SSUH2: variants seen among roughly 807,000 people sequenced by gnomAD.
SSUH2 encodes the protein ssu-2 homolog, also known as protein SSUH2 homolog.
Under a neutral mutation model 55.3 loss-of-function variants are expected in SSUH2, and 47 were observed. The observed-to-expected ratio is 0.85, with a 90% CI of 0.67 to 1.08. The LOEUF is 1.08. Among genes scored for constraint, SSUH2 ranks in the 50% least tolerant of loss-of-function variants. SSUH2 has a pLI of 0.00. For synonymous variants in SSUH2, 212 were observed against 191.5 expected (o/e 1.11, Z -0.89); for missense variants, 535 against 490.7 (o/e 1.09, Z -0.85).
intron 7 of SSUH2, 36 bp downstream of exon 7, chr3:8,629,628 C>T (rs1559328496): frequency 1.2e-6 from 2 of 1,611,124 alleles, no homozygotes; most frequent in Non-Finnish European, 1.7e-6. Context: ...GCCACCACAC[C>T]CTCACTGACT....
chr3:8,639,739 T>C (rs768293736), intron 1 of SSUH2, among the ~76,000 whole-genome samples: 3 of 152,208 alleles, frequency 2.0e-5, no homozygotes, highest in Admixed American at 6.5e-5. Context: ...TCCACATTAA[T>C]CATCTTAAAA....
chr3:8,679,572 TC>T (rs571643186), intron 2 of SSUH2: 6 of 153,364 alleles, frequency 3.9e-5, no homozygotes, highest in Admixed American at 2.0e-4. Flanking sequence ...CAGCCTCTCT[TC>T]CCCCCCTGGC....
intron 1 of SSUH2, among the ~76,000 whole-genome samples, chr3:8,680,026 A>C (rs368840): frequency 0.36 from 55,068 of 151,916 alleles, 10,246 homozygotes; most frequent in South Asian, 0.39. Flanking sequence ...TTAAGGGAAA[A>C]ACTTCCAGCA....
In SSUH2 at chr3:8,679,020, C is replaced by T. The variant is rs1429066821; in HGVS notation, c.-901+685G>A. On this transcript the variant is annotated intron_variant, in intron 2 of 18. Coordinates refer to the SSUH2 transcript ENST00000317371. ...TGGGGACTGAGAGCCAGCCCCTCTT[C>T]CCCCCCTGGCTCTTAGGACACCAAA... Among the ~76,000 whole-genome samples, 8 of 111,778 alleles carry T rather than the reference C, an allele frequency of 7.2e-5. 3 individuals are homozygous for T. The South Asian group carries it at 1.2e-3, about 17-fold the overall frequency. 73.3% of individuals were successfully genotyped at this position (111,778 alleles called of 152,430 possible).
rs1294980030 is a variant in SSUH2, at chr3:8,681,572, C to T, written c.-1046+319G>A. ...CATGGGGGGCGGGAGGCACCCCCAA[C>T]GAAGCGGGGACTGAGAGCCAGCCAC... On this transcript the variant is annotated intron_variant, in intron 1 of 18. Coordinates refer to the SSUH2 transcript ENST00000317371. Among the ~76,000 whole-genome samples the T allele has an allele frequency of 1.3e-4, 19 of 147,496 alleles. No homozygotes were observed. In the East Asian group the frequency reaches 1.4e-3, roughly 11 times the overall value.
chr3:8,656,659 G>A (rs868765170), intron 7 of SSUH2, among the ~76,000 whole-genome samples: 6 of 152,132 alleles, frequency 3.9e-5, no homozygotes, highest in East Asian at 3.8e-4. Flanking sequence ...CATCTCATTC[G>A]GTCCTCACTA....
rs560014707 is a variant in SSUH2 at position 8,664,370 on chromosome 3, T to C, written c.-454-568A>G. Among the ~76,000 whole-genome samples, 4 of 152,344 alleles carry C rather than the reference T, an allele frequency of 2.6e-5. No homozygotes were observed. In the South Asian group the frequency reaches 8.3e-4, roughly 32 times the overall value. On this transcript the variant is annotated intron_variant, in intron 5 of 18. Coordinates refer to the SSUH2 transcript ENST00000317371. ...TTCATGAAGCATGTCCCCCTTTCCC[T>C]TGGCGCTGTGTATAGCACAGCCCCA...
intron 7 of SSUH2, among the ~76,000 whole-genome samples, chr3:8,656,213 C>G (rs1022838194): frequency 1.1e-4 from 17 of 152,278 alleles, no homozygotes; most frequent in Admixed American, 4.6e-4. Context: ...AAACTTAAAC[C>G]TCTGGCAATA....
upstream of SSUH2, among the ~76,000 whole-genome samples, chr3:8,646,871 C>T (rs1701740903): frequency 6.6e-6 from 1 of 152,204 alleles, no homozygotes; most frequent in South Asian, 2.1e-4. Flanking sequence ...TTCTTCCTCC[C>T]TGCTGTTGAT....
intron 9 of SSUH2, 28 bp downstream of exon 9, chr3:8,626,201 G>T: frequency 6.3e-7 from 1 of 1,588,628 alleles, no homozygotes; most frequent in Non-Finnish European, 8.6e-7. Flanking sequence ...ACCCCCGCAT[G>T]CCACAGCATT....
At chr3:8,672,302 C>T (rs986002884) in intron 3 of SSUH2, among the ~76,000 whole-genome samples, 1 of 151,912 alleles carries the variant, frequency 6.6e-6, no homozygotes, top group Non-Finnish European at 1.5e-5. Context: ...CTGTACACAC[C>T]CTGTGCTATT....
intron 6 of SSUH2, chr3:8,663,607 A>G: frequency 3.3e-6 from 1 of 306,446 alleles, no homozygotes. Context: ...TCTCCAGCCC[A>G]GGCAAGTCCA....
rs1326441487 is a variant in SSUH2 at position 8,635,837 on chromosome 3, CA to C, written c.48del (p.Phe16LeufsTer59). The C allele has an allele frequency of 6.5e-7, 1 of 1,535,872 alleles. No individual in the cohort carries two copies. The highest frequency in any genetic ancestry group is 1.4e-5 in the African/African-American group (1 of 73,040). ...NEDDSVVDLS[F>X]EAESPLAPPT... ...GGGGGCGCCAGAGGACTCTCGGCCTCAAAACTGAGGTCCACCACACCTGCAG... is the reference window on the plus strand; with the variant it reads ...GGGGGCGCCAGAGGACTCTCGGCCTCAAACTGAGGTCCACCACACCTGCAG... On this transcript the variant is annotated frameshift_variant, in exon 2 of 12. Transcript: ENST00000544814. LOFTEE classifies it high-confidence loss of function.
At chr3:8,633,897 C>T (rs1699403499) in intron 3 of SSUH2, 102 bp from the exon 4 acceptor site, 13 of 1,613,914 alleles carry the variant, frequency 8.1e-6, no homozygotes, top group African/African-American at 1.3e-5. Flanking sequence ...ACTGAGGCCA[C>T]GGTAGTGGTA....
rs1320800373 is a variant in SSUH2 at position 8,679,146 on chromosome 3, C to T, written c.-901+559G>A. Among the ~76,000 whole-genome samples, 42 of 99,420 alleles carry T rather than the reference C, an allele frequency of 4.2e-4. 11 individuals carry two copies. The highest frequency in any genetic ancestry group is 8.3e-4 in the Non-Finnish European group (36 of 43,150). 65.2% of individuals were successfully genotyped at this position (99,420 alleles called of 152,430 possible). Reference sequence around the variant, plus strand: ...AAATTGCGGGGGGGAGGCACCCCCGCGAGGCGGGGACTGAGAGGCAGCCGC... The same window carrying T: ...AAATTGCGGGGGGGAGGCACCCCCGTGAGGCGGGGACTGAGAGGCAGCCGC... On this transcript the variant is annotated intron_variant, in intron 2 of 18. Coordinates refer to the SSUH2 transcript ENST00000317371.
upstream of SSUH2, among the ~76,000 whole-genome samples, chr3:8,649,795 C>T (rs1326295659): frequency 6.6e-6 from 1 of 152,104 alleles, no homozygotes; most frequent in Non-Finnish European, 1.5e-5. Context: ...AAAGCCCATG[C>T]TCAATTCAGA....
intron 4 of SSUH2, among the ~76,000 whole-genome samples, chr3:8,632,630 T>C (rs1031739496): frequency 3.9e-5 from 6 of 152,326 alleles, no homozygotes; most frequent in Admixed American, 1.3e-4. Flanking sequence ...CACAGTGGCC[T>C]CTTCTTTCAG....
chr3:8,629,447 A>C (rs1698295469), intron 7 of SSUH2: 1 of 571,564 alleles, frequency 1.7e-6, no homozygotes, highest in Admixed American at 3.1e-5. Context: ...AGAAAAATTA[A>C]AATCGAACTG....
intron 7 of SSUH2, among the ~76,000 whole-genome samples, chr3:8,628,512 G>A (rs1698068565): frequency 6.6e-6 from 1 of 152,234 alleles, no homozygotes; most frequent in South Asian, 2.1e-4. Flanking sequence ...GAATCCCAGA[G>A]TGGGACCTCA....
Sources: gnomAD v4.1 joint callset for allele counts (sites outside exome capture counted in the v4.1 genomes callset) on GRCh38, gnomAD v4.1.1 for gene constraint, MANE v1.5 for transcripts, NCBI Gene and HGNC (gene_info 2026-07-23, HGNC 2026-07-21) for gene names.